The following SYNDIG1 variants were observed in gnomAD, a reference collection of about 807,000 sequenced individuals.
The protein encoded by SYNDIG1 is synapse differentiation-inducing gene protein 1.
Under a neutral mutation model 19.4 loss-of-function variants are expected in SYNDIG1, and 9 were observed. The ratio of observed to expected loss-of-function variants is 0.46; its 90% CI spans 0.28 to 0.81. SYNDIG1 has a LOEUF of 0.81. SYNDIG1 is among the 30% of genes least tolerant of loss of function. SYNDIG1 has a pLI of 0.12. For missense variants in SYNDIG1, 311 were observed against 343.3 expected, an observed-to-expected ratio of 0.91 and a Z score of 0.74; for synonymous variants, 141 against 145.9, an observed-to-expected ratio of 0.97 and a Z score of 0.24.
intron 3 of SYNDIG1, among the ~76,000 whole-genome samples, chr20:24,594,189 A>T (rs76462299): frequency 6.6e-6 from 1 of 152,158 alleles, no homozygotes; most frequent in Non-Finnish European, 1.5e-5. Flanking sequence ...TCTTTAATCC[A>T]TCTTGAATTC....
At chr20:24,615,876 C>A (rs1011638430) in intron 3 of SYNDIG1, among the ~76,000 whole-genome samples, 1 of 138,482 alleles carries the variant, frequency 7.2e-6, no homozygotes, top group African/African-American at 2.6e-5. Flanking sequence ...CTAAGAGGTC[C>A]AGGGAAATCA....
chr20:24,470,527 T>C (rs1227419929), intron 1 of SYNDIG1, among the ~76,000 whole-genome samples: 2 of 152,226 alleles, frequency 1.3e-5, no homozygotes, highest in African/African-American at 4.8e-5. Flanking sequence ...GGTTCCAATT[T>C]GAATCTCGCT....
At chr20:24,653,570 C>T (rs1421003566) in intron 3 of SYNDIG1, among the ~76,000 whole-genome samples, 1 of 152,158 alleles carries the variant, frequency 6.6e-6, no homozygotes, top group Non-Finnish European at 1.5e-5. Flanking sequence ...AGCAGCAGGG[C>T]CCGGCCCCTC....
In SYNDIG1 at chr20:24,488,958, G is replaced by A. The variant is rs142852266; in HGVS notation, c.-79+19205G>A. Among the ~76,000 whole-genome samples the A allele has an allele frequency of 2.2e-4, 33 of 152,282 alleles. No individual in the cohort carries two copies. In the East Asian group the frequency reaches 6.2e-3, roughly 28 times the overall value. The stretch of plus-strand genomic sequence containing the variant: ...ATTTTCCTCCTGTTCTATGTGAAAA[G>A]CCTCTTCCCCTGTTAGTCATCATTT... On this transcript the variant is annotated intron_variant, in intron 1 of 3. Coordinates refer to ENST00000376862, the MANE Select transcript of SYNDIG1 (RefSeq NM_024893.3).
chr20:24,564,534 T>G (rs115069956), intron 2 of SYNDIG1, among the ~76,000 whole-genome samples: 2,433 of 152,362 alleles, frequency 0.016, 30 homozygotes, highest in African/African-American at 0.036. Flanking sequence ...TGTGCTGTAC[T>G]GTTAAAAGGT....
intron 1 of SYNDIG1, among the ~76,000 whole-genome samples, chr20:24,487,887 C>G (rs1164361288): frequency 1.3e-5 from 2 of 152,060 alleles, no homozygotes; most frequent in Non-Finnish European, 1.5e-5. Context: ...GGCGATGGAC[C>G]CATTCTGAGG....
intron 3 of SYNDIG1, among the ~76,000 whole-genome samples, chr20:24,661,393 G>A (rs200641693): frequency 9.3e-4 from 134 of 143,908 alleles, no homozygotes; most frequent in Middle Eastern, 3.8e-3. Flanking sequence ...GGAGGAAAGA[G>A]GGAGGAGGTA....
intron 2 of SYNDIG1, among the ~76,000 whole-genome samples, chr20:24,571,305 G>A (rs919734707): frequency 1.3e-5 from 2 of 152,190 alleles, no homozygotes; most frequent in African/African-American, 4.8e-5. Flanking sequence ...CTGTGGTTTA[G>A]TCAGAAGTGT....
At chr20:24,493,416 G>T (rs2056211502) in intron 1 of SYNDIG1, among the ~76,000 whole-genome samples, 1 of 151,942 alleles carries the variant, frequency 6.6e-6, no homozygotes, top group South Asian at 2.1e-4. Context: ...ACACATGCTT[G>T]GCACACACAG....
At chr20:24,519,341 A>C (rs895387438) in intron 1 of SYNDIG1, among the ~76,000 whole-genome samples, 7 of 152,266 alleles carry the variant, frequency 4.6e-5, no homozygotes, top group Non-Finnish European at 1.0e-4. Context: ...TGTGAGAAAT[A>C]GTCACTTTTT....
At chr20:24,536,014 C>T (rs2057354770) in intron 1 of SYNDIG1, among the ~76,000 whole-genome samples, 1 of 152,214 alleles carries the variant, frequency 6.6e-6, no homozygotes, top group Non-Finnish European at 1.5e-5. Flanking sequence ...ATTGGCAAAA[C>T]ATCACTCAGT....
intron 3 of SYNDIG1, among the ~76,000 whole-genome samples, chr20:24,600,609 T>TTTC (rs2058665325): frequency 6.7e-6 from 1 of 148,984 alleles, no homozygotes; most frequent in Admixed American, 6.7e-5. Context: ...TTCTTTCTTT[T>TTTC]TTTTTTTTTT....
At chr20:24,624,165 A>G (rs1330456216) in intron 3 of SYNDIG1, among the ~76,000 whole-genome samples, 2 of 151,696 alleles carry the variant, frequency 1.3e-5, no homozygotes, top group African/African-American at 4.8e-5. Flanking sequence ...GGGAGGCAGA[A>G]GAATGGCATG....
chr20:24,664,488 C>T (rs1250055926), intron 3 of SYNDIG1, among the ~76,000 whole-genome samples: 3 of 152,122 alleles, frequency 2.0e-5, no homozygotes, highest in Admixed American at 6.5e-5. Flanking sequence ...CTCAGCATCA[C>T]GTGGGCTCCC....
At chr20:24,652,708 T>C (rs1223070902) in intron 3 of SYNDIG1, among the ~76,000 whole-genome samples, 1 of 149,542 alleles carries the variant, frequency 6.7e-6, no homozygotes, top group Non-Finnish European at 1.5e-5. Context: ...GTTGGAGGCT[T>C]TCTCCACTCA....
chr20:24,634,239 A>T (rs1216841997), intron 3 of SYNDIG1, among the ~76,000 whole-genome samples: 1 of 152,234 alleles, frequency 6.6e-6, no homozygotes, highest in East Asian at 1.9e-4. Context: ...CATAATGTAA[A>T]TACTTCTGGT....
At chr20:24,471,445 T>A (rs985841334) in intron 1 of SYNDIG1, among the ~76,000 whole-genome samples, 1 of 151,842 alleles carries the variant, frequency 6.6e-6, no homozygotes, top group African/African-American at 2.4e-5. Context: ...CTGTGGGCCC[T>A]GAGGAAGCGC....
chr20:24,651,108 T>A (rs1160922492), intron 3 of SYNDIG1, among the ~76,000 whole-genome samples: 1 of 152,200 alleles, frequency 6.6e-6, no homozygotes, highest in African/African-American at 2.4e-5. Context: ...TATATTCATA[T>A]GTGTATTTGT....
At chr20:24,483,618 T>C (rs2055860349) in intron 1 of SYNDIG1, among the ~76,000 whole-genome samples, 1 of 152,198 alleles carries the variant, frequency 6.6e-6, no homozygotes, top group Non-Finnish European at 1.5e-5. Flanking sequence ...AGGAAGCCCC[T>C]CTCCTCTGAG....
Sources: allele counts gnomAD v4.1 joint callset (sites outside exome capture counted in the v4.1 genomes callset), GRCh38; gene constraint gnomAD v4.1.1; transcripts MANE v1.5; gene names NCBI Gene and HGNC (gene_info 2026-07-23, HGNC 2026-07-21).